Variants in COLQ observed in about 807,000 individuals in gnomAD.
COLQ encodes collagen like tail subunit of asymmetric acetylcholinesterase, also known as acetylcholinesterase collagenic tail peptide.
A neutral mutation model predicts 69.0 loss-of-function variants in COLQ; 48 were observed. The observed-to-expected ratio is 0.70, with a 90% CI of 0.55 to 0.88. COLQ has a LOEUF of 0.88. Ranked by LOEUF, COLQ falls within the 40% of genes least tolerant of loss-of-function variation. COLQ has a pLI of 0.00. For missense variants in COLQ, 618 were observed against 594.6 expected (o/e 1.04, Z -0.41); for synonymous variants, 217 against 211.2 (o/e 1.03, Z -0.24).
At chr3:15,487,567 C>T (rs898601428) in intron 3 of COLQ, among the ~76,000 whole-genome samples, 3 of 152,254 alleles carry the variant, frequency 2.0e-5, no homozygotes, top group Non-Finnish European at 4.4e-5. Flanking sequence ...TCCTTACACC[C>T]TCTTTCTCCT....
rs113788790 is a variant in COLQ, at chr3:15,479,416, A to G, written c.322-34T>C. On this transcript the variant is annotated intron_variant, in intron 3 of 16. Transcript: ENST00000383788. ...TCAAGATAAAAAGTGAAGAAAGTAT[A>G]TATCAGTCTGAAGCTGGATGGGTGT... The G allele has an allele frequency of 1.5e-4, 237 of 1,609,882 alleles. 1 individual carries two copies. Among genetic ancestry groups the G allele is most frequent in the Middle Eastern group, 1.2e-3 (7 of 6,046 alleles).
chr3:15,466,538 A>G, intron 11 of COLQ, 101 bp from the exon 12 acceptor site: 1 of 966,632 alleles, frequency 1.0e-6, no homozygotes, highest in South Asian at 1.4e-5. Flanking sequence ...TTAAGGAGCA[A>G]GAGCCCAGTG....
chr3:15,467,899 G>C (rs2062224476), intron 11 of COLQ: 1 of 456,660 alleles, frequency 2.2e-6, no homozygotes, highest in African/African-American at 2.0e-5. Flanking sequence ...TGTGCAAGGA[G>C]TTCTTGAACT....
At position 15,492,541 on chromosome 3, in the gene COLQ, C is replaced by T. The variant is rs553139174; in HGVS notation, c.107-2904G>A. Among the ~76,000 whole-genome samples the T allele has an allele frequency of 2.5e-4, 38 of 152,218 alleles. No homozygotes were observed. The South Asian group carries it at 7.7e-3, about 31-fold the overall frequency. On this transcript the variant is annotated intron_variant, in intron 1 of 16. Transcript: ENST00000383788. ...AATTAGCCGGGCGTAGTGGTGGGCG[C>T]CTGTAGTCCCACCTACTTGGGAGGC...
Position 15,450,572 on chromosome 3 carries a change from T to A in COLQ, c.*1072A>T, listed in dbSNP as rs1204327665. The A allele has an allele frequency of 6.5e-6, 1 of 153,710 alleles. No homozygotes were observed. Among genetic ancestry groups the A allele is most frequent in the Non-Finnish European group, 1.5e-5 (1 of 68,076 alleles). The allele number at this position is 153,710 out of a possible 1,614,324, so 9.5% of individuals were successfully genotyped here. A position where few individuals can be genotyped will look rare whatever the true frequency, so the allele number is the denominator to read the frequency against. ...TCACAGACATGCACGACTAATAATCTTATTGAAAAGGGAGGAGCTCAGGCA... is the reference window on the plus strand; with the variant it reads ...TCACAGACATGCACGACTAATAATCATATTGAAAAGGGAGGAGCTCAGGCA... On this transcript the variant is annotated 3_prime_UTR_variant, in exon 17 of 17. Transcript: ENST00000383788.
rs561547071 is a variant in COLQ at position 15,498,528 on chromosome 3, G to C, written c.107-8891C>G. 4 of 1,551,792 alleles carry C rather than the reference G, an allele frequency of 2.6e-6. No individual in the cohort carries two copies. In the South Asian group the frequency reaches 4.8e-5, roughly 18 times the overall value. ...ACAACTCACCCAAGCAGCCTGCCGA[G>C]TAACAGAGCAGTCCTGAAATGATGA... is the stretch of plus-strand genomic sequence containing the variant. On this transcript the variant is annotated intron_variant, in intron 1 of 16. Coordinates refer to ENST00000383788, the MANE Select transcript of COLQ (RefSeq NM_005677.4).
At chr3:15,457,335 T>C (rs1473947648) in intron 13 of COLQ, among the ~76,000 whole-genome samples, 2 of 151,694 alleles carry the variant, frequency 1.3e-5, no homozygotes, top group African/African-American at 2.4e-5. Flanking sequence ...AAGTAAATTG[T>C]AGCACAGCCA....
At chr3:15,500,289 C>G (rs1156913359) in intron 1 of COLQ, among the ~76,000 whole-genome samples, 1 of 152,206 alleles carries the variant, frequency 6.6e-6, no homozygotes, top group African/African-American at 2.4e-5. Context: ...AGGGAGTCCT[C>G]AGTCCTGAGT....
intron 2 of COLQ, among the ~76,000 whole-genome samples, 195 bp downstream of exon 2, chr3:15,489,330 T>C (rs1427685931): frequency 2.6e-5 from 4 of 152,170 alleles, no homozygotes; most frequent in South Asian, 2.1e-4. Flanking sequence ...TTTAAGATAT[T>C]TGGAGAATGG....
At chr3:15,517,264 G>A (rs943734971) in intron 1 of COLQ, among the ~76,000 whole-genome samples, 4 of 152,138 alleles carry the variant, frequency 2.6e-5, no homozygotes, top group Admixed American at 1.3e-4. Flanking sequence ...GTATATACTG[G>A]TGAAAGCCCT....
At chr3:15,467,850 G>A in intron 11 of COLQ, 1 of 456,614 alleles carries the variant, frequency 2.2e-6, no homozygotes. Flanking sequence ...CAGGTGACCG[G>A]CTGCCTTGTC....
intron 11 of COLQ, among the ~76,000 whole-genome samples, chr3:15,468,452 T>G (rs2062234103): frequency 6.7e-6 from 1 of 150,312 alleles, no homozygotes; most frequent in Admixed American, 6.7e-5. Context: ...TGCCTCAGTT[T>G]CCCAAGCAGC....
At chr3:15,483,355 T>C (rs1266843739) in intron 3 of COLQ, among the ~76,000 whole-genome samples, 1 of 152,234 alleles carries the variant, frequency 6.6e-6, no homozygotes, top group East Asian at 1.9e-4. Context: ...CATTTAGTGC[T>C]ATAAATTTCC....
chr3:15,486,355 T>A (rs1043633770), intron 3 of COLQ, among the ~76,000 whole-genome samples: 2 of 152,172 alleles, frequency 1.3e-5, no homozygotes, highest in African/African-American at 4.8e-5. Context: ...CCAGCTCCCA[T>A]ATGATACCAA....
intron 1 of COLQ, among the ~76,000 whole-genome samples, chr3:15,518,736 CG>C (rs1041789403): frequency 2.5e-4 from 38 of 152,192 alleles, no homozygotes; most frequent in African/African-American, 8.2e-4. Context: ...AACCCCTTTC[CG>C]GGGCATTTAC....
intron 5 of COLQ, 77 bp from the exon 6 acceptor site, chr3:15,477,274 G>T: frequency 1.5e-6 from 2 of 1,344,814 alleles, no homozygotes; most frequent in African/African-American, 1.4e-5. Context: ...TGTCTCTGGG[G>T]CCCAGAGGAG....
At chr3:15,459,674 T>G (rs1436931901) in intron 12 of COLQ, among the ~76,000 whole-genome samples, 4 of 151,944 alleles carry the variant, frequency 2.6e-5, no homozygotes, top group Non-Finnish European at 5.9e-5. Context: ...AGACAGGGTT[T>G]CACTCTGTTG....
chr3:15,464,138 A>T (rs1015207852), intron 12 of COLQ, among the ~76,000 whole-genome samples: 1 of 151,892 alleles, frequency 6.6e-6, no homozygotes, highest in Non-Finnish European at 1.5e-5. Flanking sequence ...ATGAGGAAGG[A>T]GGGGTCAGGG....
chr3:15,473,905 T>G lies in COLQ; in HGVS notation c.636+95A>C. 7.3e-7 allele frequency: 1 copy of G among 1,373,650 alleles called. No individual in the cohort carries two copies. Among genetic ancestry groups the G allele is most frequent in the Non-Finnish European group, 1.0e-6 (1 of 969,808 alleles). The allele number at this position is 1,373,650 out of a possible 1,614,324, so 85.1% of individuals were successfully genotyped here. A position where few individuals can be genotyped will look rare whatever the true frequency, so the allele number is the denominator to read the frequency against. On this transcript the variant is annotated intron_variant, in intron 10 of 16. Transcript: ENST00000383788. The surrounding 1 kb of genome is among the most constrained non-coding windows in gnomAD (Gnocchi z 4.0). ...TTTCCATGGTTAAACCCACCATCCC[T>G]GCCTGATAGACAAGGAGGCAGAGTT... is the stretch of plus-strand genomic sequence containing the variant.
Sources: gnomAD v4.1 joint callset for allele counts (sites outside exome capture counted in the v4.1 genomes callset) on GRCh38, gnomAD v4.1.1 for gene constraint, Gnocchi (gnomAD v3.1) non-coding constraint, MANE v1.5 for transcripts, NCBI Gene and HGNC (gene_info 2026-07-23, HGNC 2026-07-21) for gene names.